Variants in HBP1 observed in about 807,000 individuals in gnomAD.
HBP1 encodes the protein HMG box-containing protein 1.
A neutral mutation model predicts 62.6 loss-of-function variants in HBP1; 20 were observed. The observed-to-expected ratio is 0.32, with a 90% CI of 0.22 to 0.46. The LOEUF (loss-of-function observed/expected upper bound fraction) is 0.46, where lower values mean the gene tolerates loss of function less well. HBP1 is among the 20% of genes least tolerant of loss of function. The pLI, the probability that HBP1 is intolerant of heterozygous loss-of-function variation, is 1.00. For missense variants in HBP1, 480 were observed against 611.8 expected (o/e 0.78, Z 2.27); for synonymous variants, 232 against 206.2 (o/e 1.12, Z -1.07).
At chr7:107,191,799 A>G (rs1351440392) in intron 8 of HBP1, among the ~76,000 whole-genome samples, 1 of 152,228 alleles carries the variant, frequency 6.6e-6, no homozygotes, top group Non-Finnish European at 1.5e-5. Context: ...TAACCCTTAT[A>G]TATGGTTTGT....
At chr7:107,193,245 A>G (rs1243511221) in intron 8 of HBP1, 1 of 152,186 alleles carries the variant, frequency 6.6e-6, no homozygotes, top group Non-Finnish European at 1.5e-5. Context: ...CTATATATAT[A>G]ATGTTAATTT....
rs774840857 is a variant in HBP1, at chr7:107,195,903, A to G, written c.1137A>G (p.Ala379=). Residue 379 remains alanine (A), a synonymous_variant, in exon 9 of 11, where the codon GCA becomes GCG. Transcript: ENST00000222574. ...VLSSMARQRR[A]SLSCGGPGGQ... is the part of the protein sequence containing the mutation. Reference sequence around the variant, plus strand: ...GTAGTATGGCTCGCCAGCGTCGTGCATCTTTGTCTTGTGGAGGACCTGGTG... The same window carrying G: ...GTAGTATGGCTCGCCAGCGTCGTGCGTCTTTGTCTTGTGGAGGACCTGGTG... 2.5e-6 allele frequency: 4 copies of G among 1,613,804 alleles called. No individual in the cohort carries two copies. Among genetic ancestry groups the G allele is most frequent in the Non-Finnish European group, 3.4e-6 (4 of 1,179,710 alleles).
intron 1 of HBP1, among the ~76,000 whole-genome samples, chr7:107,171,059 A>T: frequency 1.6e-5 from 1 of 63,670 alleles, no homozygotes; most frequent in African/African-American, 1.8e-4. Flanking sequence ...ATATATATAT[A>T]TATATATATA....
intron 1 of HBP1, among the ~76,000 whole-genome samples, chr7:107,169,484 T>C (rs1227480372): frequency 2.6e-4 from 14 of 54,262 alleles, no homozygotes; most frequent in Non-Finnish European, 3.6e-5. Flanking sequence ...CCGGGCCGGG[T>C]GTGGAGATGG....
Position 107,171,073 on chromosome 7 carries a change from A to ATATATATTTTTTTTTTTTT in HBP1, c.-16+1889_-16+1890insATATATTTTTTTTTTTTTT. On this transcript the variant is annotated intron_variant, in intron 1 of 10. Transcript: ENST00000222574. ...TATATATATATATATATATATATATATTTTTTTTTTTTTTTGAGAGGGAGT... is the reference window on the plus strand; with the variant it reads ...TATATATATATATATATATATATATATATATATTTTTTTTTTTTTTTTTTTTTTTTTTTTGAGAGGGAGT... Among the ~76,000 whole-genome samples the ATATATATTTTTTTTTTTTT allele has an allele frequency of 3.4e-5, 3 of 87,194 alleles. No individual in the cohort carries two copies. In the East Asian group the frequency reaches 8.9e-4, roughly 26 times the overall value. 57.2% of individuals were successfully genotyped at this position (87,194 alleles called of 152,430 possible).
intron 1 of HBP1, among the ~76,000 whole-genome samples, chr7:107,172,506 ACTT>A (rs1796647786): frequency 1.3e-5 from 2 of 152,214 alleles, no homozygotes; most frequent in African/African-American, 2.4e-5. Flanking sequence ...TTAATATGTG[ACTT>A]ATCTTATATG....
chr7:107,197,161 A>G (rs1797950306), intron 9 of HBP1: 2 of 152,192 alleles, frequency 1.3e-5, no homozygotes. Context: ...CGAGTCCTCT[A>G]CTGCTGAATC....
Position 107,201,556 on chromosome 7 carries a change from TGA to T in HBP1, c.*127_*128del, listed in dbSNP as rs1397096674. The T allele has an allele frequency of 3.7e-6, 2 of 538,130 alleles. No homozygotes were observed. Among genetic ancestry groups the T allele is most frequent in the East Asian group, 6.0e-5 (2 of 33,480 alleles). The allele number at this position is 538,130 out of a possible 1,614,324, so 33.3% of individuals were successfully genotyped here. ...TGTGACCATAAGATACTGATAGCAT[TGA>T]GTCTTGAAATGATTTAATAATATGA... On this transcript the variant is annotated 3_prime_UTR_variant, in exon 11 of 11. Coordinates refer to ENST00000222574, the MANE Select transcript of HBP1 (RefSeq NM_012257.4).
intron 1 of HBP1, among the ~76,000 whole-genome samples, chr7:107,176,855 C>A (rs920657200): frequency 3.9e-5 from 6 of 152,122 alleles, no homozygotes; most frequent in African/African-American, 1.4e-4. Flanking sequence ...TATGCTAAGA[C>A]TGATTGTGAT....
intron 9 of HBP1, chr7:107,196,422 C>T (rs1797907211): frequency 5.0e-6 from 2 of 397,352 alleles, no homozygotes; most frequent in South Asian, 4.1e-5. Context: ...GCGCCCACCA[C>T]CATACCTGGC....
intron 6 of HBP1, among the ~76,000 whole-genome samples, chr7:107,187,665 C>CT (rs531641450): frequency 3.9e-5 from 6 of 152,168 alleles, no homozygotes; most frequent in African/African-American, 7.2e-5. Context: ...TCACAATAGT[C>CT]TAACTTTGGC....
At chr7:107,190,147 CT>C (rs1478312408) in intron 7 of HBP1, 25 bp from the exon 8 acceptor site, 1 of 1,574,678 alleles carries the variant, frequency 6.4e-7, no homozygotes, top group Non-Finnish European at 8.6e-7. Flanking sequence ...AGTCCTCATC[CT>C]TTATGCAACA....
chr7:107,188,778 T>G (rs7798223), intron 6 of HBP1, among the ~76,000 whole-genome samples: 1 of 152,092 alleles, frequency 6.6e-6, no homozygotes, highest in South Asian at 2.1e-4. Context: ...ACAGTCATGC[T>G]GATAAAAACA....
At chr7:107,185,115 G>C (rs1797289731) in intron 3 of HBP1, among the ~76,000 whole-genome samples, 2 of 152,158 alleles carry the variant, frequency 1.3e-5, no homozygotes, top group South Asian at 4.1e-4. Context: ...TCTAAAGGGA[G>C]CATTGTCTGG....
chr7:107,191,669 C>T (rs1797657176), intron 8 of HBP1, among the ~76,000 whole-genome samples: 2 of 151,984 alleles, frequency 1.3e-5, no homozygotes, highest in Admixed American at 1.3e-4. Flanking sequence ...ATGAATGAAC[C>T]TTAGCTACAA....
intron 6 of HBP1, among the ~76,000 whole-genome samples, chr7:107,188,553 G>A (rs117319499): frequency 0.01 from 1,523 of 152,248 alleles, 17 homozygotes; most frequent in Non-Finnish European, 0.016. Flanking sequence ...TAAGGGTAAG[G>A]ATCATGTTTG....
intron 1 of HBP1, among the ~76,000 whole-genome samples, chr7:107,170,528 T>C (rs1403789472): frequency 6.6e-6 from 1 of 152,136 alleles, no homozygotes; most frequent in Non-Finnish European, 1.5e-5. Flanking sequence ...TAGACAGTAG[T>C]TGACAAAATT....
At chr7:107,170,009 T>C (rs1796478635) in intron 1 of HBP1, 1 of 985,398 alleles carries the variant, frequency 1.0e-6, no homozygotes, top group African/African-American at 1.7e-5. Flanking sequence ...GCCAGGTTTT[T>C]GTAGCTTTAA....
intron 3 of HBP1, among the ~76,000 whole-genome samples, chr7:107,183,713 AAC>A (rs1311131805): frequency 6.6e-6 from 1 of 152,060 alleles, no homozygotes; most frequent in Non-Finnish European, 1.5e-5. Flanking sequence ...GATTAATAAT[AAC>A]AGTTTATGGA....
Sources: gnomAD v4.1 joint callset for allele counts (sites outside exome capture counted in the v4.1 genomes callset) on GRCh38, gnomAD v4.1.1 for gene constraint, MANE v1.5 for transcripts, NCBI Gene and HGNC (gene_info 2026-07-23, HGNC 2026-07-21) for gene names.